Variants in DGKG observed in about 807,000 individuals in gnomAD.
DGKG encodes diacylglycerol kinase gamma.
DGKG carries 78 observed loss-of-function variants against 105.3 expected under a neutral mutation model. The ratio of observed to expected loss-of-function variants is 0.74; its 90% CI spans 0.62 to 0.89. The LOEUF (loss-of-function observed/expected upper bound fraction) is 0.89. Ranked by LOEUF, DGKG falls within the 40% of genes least tolerant of loss-of-function variation. The pLI is 0.00. For synonymous variants in DGKG, 346 were observed against 367.1 expected (o/e 0.94, Z 0.66); for missense variants, 958 against 1,020.1 (o/e 0.94, Z 0.83).
intron 2 of DGKG, among the ~76,000 whole-genome samples, chr3:186,313,787 A>G (rs1724673540): frequency 6.6e-6 from 1 of 152,176 alleles, no homozygotes; most frequent in African/African-American, 2.4e-5. Flanking sequence ...CGTTAAAAGA[A>G]AAAAAGGTCT....
intron 2 of DGKG, chr3:186,313,550 T>C (rs1410096901): frequency 2.0e-6 from 2 of 984,788 alleles, no homozygotes; most frequent in Non-Finnish European, 2.4e-6. Context: ...ACTTGGACCA[T>C]CTTGCAACTA....
chr3:186,149,445 G>A lies in DGKG; in HGVS notation c.*645C>T. On this transcript the variant is annotated 3_prime_UTR_variant, in exon 25 of 25. Coordinates refer to ENST00000265022, the MANE Select transcript of DGKG (RefSeq NM_001346.3). ...GGAGAAGGTTCCTGGAAAATAACAA[G>A]TGCCCACCGACGGCGCAGAAACCCA... 1.0e-6 allele frequency: 1 copy of A among 985,424 alleles called. No homozygotes were observed. The highest frequency in any genetic ancestry group is 1.2e-6 in the Non-Finnish European group (1 of 829,962). The allele number at this position is 985,424 out of a possible 1,614,324, so 61.0% of individuals were successfully genotyped here. A position where few individuals can be genotyped will look rare whatever the true frequency, so the allele number is the denominator to read the frequency against.
At chr3:186,250,582 C>T (rs57549870) in intron 19 of DGKG, among the ~76,000 whole-genome samples, 1,360 of 34,536 alleles carry the variant, frequency 0.039, 29 homozygotes, top group African/African-American at 0.1. Context: ...CAGAGTCTCG[C>T]TCTGTTGTCC....
At chr3:186,187,879 C>G (rs568904822) in intron 22 of DGKG, among the ~76,000 whole-genome samples, 4 of 152,286 alleles carry the variant, frequency 2.6e-5, no homozygotes, top group African/African-American at 9.6e-5. Context: ...CCACTGACAG[C>G]TGTGGCAAGA....
chr3:186,213,638 A>G (rs1281390352), intron 20 of DGKG, among the ~76,000 whole-genome samples: 2 of 152,144 alleles, frequency 1.3e-5, no homozygotes, highest in African/African-American at 2.4e-5. Flanking sequence ...GTTCTCAAAC[A>G]TTGGTATTTA....
chr3:186,234,048 T>A (rs969287743), intron 20 of DGKG, among the ~76,000 whole-genome samples: 1 of 152,212 alleles, frequency 6.6e-6, no homozygotes, highest in African/African-American at 2.4e-5. Flanking sequence ...CATCACCTTC[T>A]CCAATAGCTC....
chr3:186,217,976 T>C (rs1188142263), intron 20 of DGKG, among the ~76,000 whole-genome samples: 1 of 152,206 alleles, frequency 6.6e-6, no homozygotes, highest in Non-Finnish European at 1.5e-5. Context: ...GACTCATAAC[T>C]CACATAGTTA....
At chr3:186,190,259 T>C (rs1478708689) in intron 21 of DGKG, among the ~76,000 whole-genome samples, 1 of 152,210 alleles carries the variant, frequency 6.6e-6, no homozygotes, top group East Asian at 1.9e-4. Flanking sequence ...TCTTCTCCCA[T>C]GAGACTTGGT....
intron 9 of DGKG, among the ~76,000 whole-genome samples, chr3:186,278,549 C>T (rs1722689589): frequency 6.6e-6 from 1 of 152,090 alleles, no homozygotes; most frequent in African/African-American, 2.4e-5. Flanking sequence ...CCAGGGACCA[C>T]AAAGATCTTT....
At chr3:186,278,666 G>A (rs1722695481) in intron 9 of DGKG, among the ~76,000 whole-genome samples, 2 of 152,198 alleles carry the variant, frequency 1.3e-5, no homozygotes, top group South Asian at 4.1e-4. Context: ...GCTATGAAAT[G>A]ATTGCAAGAT....
At chr3:186,326,678 C>T (rs934056533) in intron 1 of DGKG, among the ~76,000 whole-genome samples, 1 of 152,142 alleles carries the variant, frequency 6.6e-6, no homozygotes, top group African/African-American at 2.4e-5. Context: ...ACAAAATAGA[C>T]TTCAAGATTT....
intron 20 of DGKG, among the ~76,000 whole-genome samples, chr3:186,233,273 G>A (rs1484319048): frequency 2.0e-5 from 3 of 152,158 alleles, no homozygotes; most frequent in South Asian, 2.1e-4. Context: ...CATATGAGAA[G>A]GACTCGACTG....
Position 186,158,589 on chromosome 3 carries a change from T to C in DGKG, c.2277+3014A>G, listed in dbSNP as rs971198513. ...TTGCCTTGTAAACTAGTTTATGATC[T>C]AGTTTAATAAATATGAATGCCTGAA... On this transcript the variant is annotated intron_variant, in intron 24 of 24. Transcript: ENST00000265022. 3 of 922,424 alleles carry C rather than the reference T, an allele frequency of 3.3e-6. No homozygotes were observed. The African/African-American group carries it at 5.4e-5, about 16-fold the overall frequency. 57.1% of individuals were successfully genotyped at this position (922,424 alleles called of 1,614,324 possible).
chr3:186,310,987 A>T (rs1724515240), intron 2 of DGKG, among the ~76,000 whole-genome samples: 1 of 152,124 alleles, frequency 6.6e-6, no homozygotes, highest in Non-Finnish European at 1.5e-5. Context: ...AACATTTCTA[A>T]ATCATAGGCC....
chr3:186,166,652 T>A (rs1716562731), intron 22 of DGKG, among the ~76,000 whole-genome samples: 1 of 144,716 alleles, frequency 6.9e-6, no homozygotes, highest in African/African-American at 2.5e-5. Flanking sequence ...TGTGTGTGTG[T>A]AAGATAAAGA....
rs1446815137 is a variant in DGKG at position 186,150,245 on chromosome 3, G to A, written c.2278-57C>T. The stretch of plus-strand genomic sequence containing the variant: ...GCATGCAAATCTCAGTAGCCTAAGG[G>A]AGAGTGAGTCGCAGAGAAAGGAAAG... On this transcript the variant is annotated intron_variant, in intron 24 of 24. Transcript: ENST00000265022. 7.7e-6 allele frequency: 12 copies of A among 1,559,782 alleles called. No individual in the cohort carries two copies. The African/African-American group carries it at 1.2e-4, about 16-fold the overall frequency.
At chr3:186,152,510 C>T (rs1012108552) in intron 24 of DGKG, among the ~76,000 whole-genome samples, 8 of 152,140 alleles carry the variant, frequency 5.3e-5, no homozygotes, top group Admixed American at 1.3e-4. Context: ...TTATTCACCA[C>T]GGCACTCTCT....
intron 1 of DGKG, among the ~76,000 whole-genome samples, chr3:186,323,398 A>G (rs1725174717): frequency 6.6e-6 from 1 of 152,220 alleles, no homozygotes; most frequent in South Asian, 2.1e-4. Context: ...ATAACATGTC[A>G]ATTCAATATT....
intron 1 of DGKG, among the ~76,000 whole-genome samples, chr3:186,342,340 G>A (rs1245573380): frequency 6.6e-6 from 1 of 152,134 alleles, no homozygotes; most frequent in Non-Finnish European, 1.5e-5. Context: ...CAGGCCGCTT[G>A]GCCACAGGAA....
Sources: gnomAD v4.1 joint callset for allele counts (sites outside exome capture counted in the v4.1 genomes callset) on GRCh38, gnomAD v4.1.1 for gene constraint, MANE v1.5 for transcripts, NCBI Gene and HGNC (gene_info 2026-07-23, HGNC 2026-07-21) for gene names.